TXNL1: variants seen among roughly 807,000 people sequenced by gnomAD.
The protein encoded by TXNL1 is thioredoxin like 1.
Under a neutral mutation model 35.5 loss-of-function variants are expected in TXNL1, and 14 were observed. The observed-to-expected ratio is 0.39, with a 90% CI of 0.26 to 0.62. The LOEUF (loss-of-function observed/expected upper bound fraction) is 0.62. TXNL1 is among the 20% of genes least tolerant of loss of function. The probability of loss-of-function intolerance (pLI) is 0.47; values close to 1 mark genes in which losing one functional copy is unlikely to be tolerated. For missense variants in TXNL1, 263 were observed against 349.7 expected (o/e 0.75, Z 1.98); for synonymous variants, 110 against 115.5 (o/e 0.95, Z 0.31).
chr18:56,629,326 T>G (rs1344385730), intron 1 of TXNL1, among the ~76,000 whole-genome samples: 1 of 152,264 alleles, frequency 6.6e-6, no homozygotes, highest in South Asian at 2.1e-4. Context: ...CCAGGAGTTC[T>G]AGATCAGCCA....
chr18:56,609,470 C>T (rs1434672771), intron 7 of TXNL1: 2 of 151,886 alleles, frequency 1.3e-5, no homozygotes, highest in African/African-American at 4.8e-5. Context: ...AACTGAATGG[C>T]TAGCTGGTAA....
At chr18:56,612,604 G>A (rs1034185868) in intron 6 of TXNL1, among the ~76,000 whole-genome samples, 3 of 152,032 alleles carry the variant, frequency 2.0e-5, no homozygotes, top group Admixed American at 6.5e-5. Context: ...GAACTCTTTA[G>A]TGCAAGTGAT....
At chr18:56,632,497 T>C (rs933957098) in intron 1 of TXNL1, among the ~76,000 whole-genome samples, 1 of 152,208 alleles carries the variant, frequency 6.6e-6, no homozygotes, top group Non-Finnish European at 1.5e-5. Flanking sequence ...AATTAGTAAG[T>C]TTAAATTAGA....
chr18:56,630,423 A>G (rs1427621826), intron 1 of TXNL1, among the ~76,000 whole-genome samples: 1 of 152,118 alleles, frequency 6.6e-6, no homozygotes, highest in Non-Finnish European at 1.5e-5. Flanking sequence ...CTGAAAATAA[A>G]CCCTTCTGGG....
Position 56,614,415 on chromosome 18 carries a change from A to G in TXNL1, c.735+9T>C. ...CCTATTAAATACATATGAACGAAAT[A>G]CTACTTACAGTTACACTGTTAACAT... On this transcript the variant is annotated intron_variant, in intron 6 of 7. Transcript: ENST00000217515. 1.9e-6 allele frequency: 3 copies of G among 1,610,646 alleles called. No individual in the cohort carries two copies. The highest frequency in any genetic ancestry group is 1.3e-5 in the African/African-American group (1 of 74,912).
intron 7 of TXNL1, among the ~76,000 whole-genome samples, chr18:56,603,900 T>C (rs770457596): frequency 1.3e-5 from 2 of 152,156 alleles, no homozygotes; most frequent in African/African-American, 2.4e-5. Context: ...TCTGTGTACA[T>C]TTATATATTT....
chr18:56,610,862 T>C, intron 7 of TXNL1, 131 bp downstream of exon 7: 1 of 583,894 alleles, frequency 1.7e-6, no homozygotes, highest in South Asian at 2.5e-5. Flanking sequence ...TAGTTTAGCC[T>C]TGTAAAATTT....
chr18:56,610,859 G>A, intron 7 of TXNL1, 134 bp downstream of exon 7: 1 of 566,728 alleles, frequency 1.8e-6, no homozygotes, highest in East Asian at 3.6e-5. Context: ...TCCTAGTTTA[G>A]CCTTGTAAAA....
At chr18:56,634,027 T>C (rs571136907) in intron 1 of TXNL1, among the ~76,000 whole-genome samples, 5 of 143,960 alleles carry the variant, frequency 3.5e-5, no homozygotes, top group African/African-American at 1.0e-4. Flanking sequence ...CACTGTTTAA[T>C]GGTGGGGAGG....
At chr18:56,619,667 C>G (rs1204851844) in intron 3 of TXNL1, among the ~76,000 whole-genome samples, 3 of 151,958 alleles carry the variant, frequency 2.0e-5, no homozygotes, top group Non-Finnish European at 4.4e-5. Context: ...GGTGTCAGCA[C>G]ATGCCCATCT....
intron 3 of TXNL1, among the ~76,000 whole-genome samples, chr18:56,619,472 A>C (rs2024145392): frequency 7.4e-6 from 1 of 135,240 alleles, no homozygotes; most frequent in Admixed American, 8.3e-5. Context: ...TGGGAGGCGG[A>C]GGTTGCAGTG....
intron 7 of TXNL1, among the ~76,000 whole-genome samples, chr18:56,604,906 T>TG (rs2023864685): frequency 6.6e-6 from 1 of 152,162 alleles, no homozygotes; most frequent in Non-Finnish European, 1.5e-5. Context: ...GGAAATAAAA[T>TG]TTAAAGTTTA....
intron 1 of TXNL1, among the ~76,000 whole-genome samples, chr18:56,633,070 C>T (rs911123787): frequency 5.3e-5 from 8 of 152,142 alleles, no homozygotes; most frequent in African/African-American, 1.9e-4. Flanking sequence ...CAAACCCTAA[C>T]AAACTACAAA....
intron 6 of TXNL1, among the ~76,000 whole-genome samples, chr18:56,614,192 A>G (rs1009299253): frequency 2.0e-5 from 3 of 152,194 alleles, no homozygotes; most frequent in Admixed American, 2.0e-4. Flanking sequence ...AACTTACCAT[A>G]TACATATAAA....
intron 6 of TXNL1, among the ~76,000 whole-genome samples, chr18:56,612,442 A>G (rs923414919): frequency 1.3e-5 from 2 of 152,130 alleles, no homozygotes; most frequent in Admixed American, 6.5e-5. Context: ...ATAAAAACTA[A>G]AAGTTTTACT....
chr18:56,620,570 A>G (rs564872787), intron 3 of TXNL1, among the ~76,000 whole-genome samples: 5 of 152,292 alleles, frequency 3.3e-5, no homozygotes, highest in South Asian at 4.1e-4. Flanking sequence ...GTGCTGGTCT[A>G]TTTAGGTGTT....
chr18:56,624,957 G>A (rs554014347), intron 2 of TXNL1, among the ~76,000 whole-genome samples: 78 of 152,048 alleles, frequency 5.1e-4, no homozygotes, highest in African/African-American at 1.8e-3. Context: ...AATGACTTTT[G>A]GTCACCCATC....
rs982679966 is a variant in TXNL1, at chr18:56,610,901, T to C, written c.840+92A>G. On this transcript the variant is annotated intron_variant, in intron 7 of 7. Coordinates refer to ENST00000217515, the MANE Select transcript of TXNL1 (RefSeq NM_004786.3). ...GACATGATATAATTTTGAATTATTT[T>C]GTTAAAAGAAAGTGTGACAGTTGAG... The C allele has an allele frequency of 1.7e-5, 14 of 819,112 alleles. No homozygotes were observed. The African/African-American group carries it at 2.6e-4, about 15-fold the overall frequency. 50.7% of individuals were successfully genotyped at this position (819,112 alleles called of 1,614,324 possible).
chr18:56,632,152 A>G lies in TXNL1; in HGVS notation c.99-5695T>C, dbSNP rs557850861. ...TTAATACACTTTTTACTACAGTCATAATATAAAACAAATTCCATTTCATGA... is the reference window on the plus strand; with the variant it reads ...TTAATACACTTTTTACTACAGTCATGATATAAAACAAATTCCATTTCATGA... On this transcript the variant is annotated intron_variant, in intron 1 of 7. Coordinates refer to ENST00000217515, the MANE Select transcript of TXNL1 (RefSeq NM_004786.3). 6.4e-4 allele frequency among the ~76,000 whole-genome samples: 97 copies of G among 152,246 alleles called. 1 individual carries two copies. The highest frequency in any genetic ancestry group is 2.2e-3 in the African/African-American group (91 of 41,534).
Sources: allele counts gnomAD v4.1 joint callset (sites outside exome capture counted in the v4.1 genomes callset), GRCh38; gene constraint gnomAD v4.1.1; transcripts MANE v1.5; gene names NCBI Gene and HGNC (gene_info 2026-07-23, HGNC 2026-07-21).